The following GLDC variants were observed in gnomAD, a reference collection of about 807,000 sequenced individuals.
The protein encoded by GLDC is glycine decarboxylase.
Under a neutral mutation model 121.3 loss-of-function variants are expected in GLDC, and 104 were observed. The ratio of observed to expected loss-of-function variants is 0.86; its 90% CI spans 0.73 to 1.01. GLDC has a LOEUF of 1.01. Ranked by LOEUF, GLDC falls within the 50% of genes least tolerant of loss-of-function variation. The pLI, the probability that GLDC is intolerant of heterozygous loss-of-function variation, is 0.00. For synonymous variants in GLDC, 546 were observed against 480.6 expected (o/e 1.14, Z -1.78); for missense variants, 1,429 against 1,306.6 (o/e 1.09, Z -1.44).
At chr9:6,634,181 T>G (rs1035314175) in intron 2 of GLDC, among the ~76,000 whole-genome samples, 3 of 151,800 alleles carry the variant, frequency 2.0e-5, no homozygotes, top group Non-Finnish European at 2.9e-5. Context: ...AAGCCAGGAT[T>G]GCACCACTGT....
At chr9:6,633,205 G>A (rs142468859) in intron 2 of GLDC, among the ~76,000 whole-genome samples, 8 of 152,220 alleles carry the variant, frequency 5.3e-5, no homozygotes, top group African/African-American at 9.6e-5. Context: ...ACAGGGGTCC[G>A]TAACTCCCTG....
intron 12 of GLDC, 25 bp from the exon 13 acceptor site, chr9:6,588,727 G>T: frequency 6.5e-7 from 1 of 1,537,706 alleles, no homozygotes; most frequent in Non-Finnish European, 9.0e-7. Context: ...CACAGAATTA[G>T]GGGCCCCAAA....
At chr9:6,627,020 G>T (rs549246854) in intron 2 of GLDC, among the ~76,000 whole-genome samples, 9 of 152,252 alleles carry the variant, frequency 5.9e-5, no homozygotes, top group African/African-American at 1.9e-4. Context: ...AGTGGGCCGG[G>T]CGTGGTGGCT....
At chr9:6,623,417 G>C (rs949587357) in intron 2 of GLDC, among the ~76,000 whole-genome samples, 1 of 148,082 alleles carries the variant, frequency 6.8e-6, no homozygotes, top group Non-Finnish European at 1.5e-5. Context: ...CTTGAAGGCA[G>C]CATGCTCGTT....
At chr9:6,638,763 C>T (rs983149685) in intron 2 of GLDC, among the ~76,000 whole-genome samples, 21 of 152,120 alleles carry the variant, frequency 1.4e-4, no homozygotes, top group African/African-American at 4.8e-4. Context: ...ATAATCCCAG[C>T]ACTTTGGGAG....
chr9:6,642,196 G>T (rs1819643584), intron 2 of GLDC, among the ~76,000 whole-genome samples: 1 of 152,172 alleles, frequency 6.6e-6, no homozygotes, highest in South Asian at 2.1e-4. Context: ...TCCCAAACTA[G>T]ATGGAACAAG....
intron 16 of GLDC, among the ~76,000 whole-genome samples, chr9:6,561,645 T>C (rs192074342): frequency 1.8e-5 from 2 of 114,196 alleles, no homozygotes; most frequent in East Asian, 2.0e-4. Flanking sequence ...TGAGAGTCTC[T>C]CTTGGGGGAA....
chr9:6,537,511 G>A (rs905004930), intron 22 of GLDC, among the ~76,000 whole-genome samples: 2 of 152,260 alleles, frequency 1.3e-5, no homozygotes, highest in Non-Finnish European at 2.9e-5. Flanking sequence ...AAGTGCTGTG[G>A]CTCACACACC....
chr9:6,578,542 T>C lies in GLDC; in HGVS notation c.1850+8599A>G, dbSNP rs1368197163. Among the ~76,000 whole-genome samples, 3 of 152,044 alleles carry C rather than the reference T, an allele frequency of 2.0e-5. No homozygotes were observed. The East Asian group carries it at 5.8e-4, about 30-fold the overall frequency. On this transcript the variant is annotated intron_variant, in intron 15 of 24. Transcript: ENST00000321612. Reference sequence around the variant, plus strand: ...AATTAGTTGGAAAGTACTTCCTCTCTTTTTTTCTTCTCTTAGAAACAGAGT... The same window carrying C: ...AATTAGTTGGAAAGTACTTCCTCTCCTTTTTTCTTCTCTTAGAAACAGAGT...
chr9:6,565,016 G>A (rs984735256), intron 16 of GLDC, among the ~76,000 whole-genome samples: 11 of 152,194 alleles, frequency 7.2e-5, no homozygotes, highest in African/African-American at 2.4e-4. Context: ...CAGGCCCAGG[G>A]CCGGGGCTGA....
chr9:6,577,110 T>A (rs1818079665), intron 15 of GLDC, among the ~76,000 whole-genome samples: 1 of 152,164 alleles, frequency 6.6e-6, no homozygotes, highest in African/African-American at 2.4e-5. Flanking sequence ...AGAAATGCCC[T>A]GGATGAGAAG....
At chr9:6,603,301 T>C in intron 7 of GLDC, among the ~76,000 whole-genome samples, 1 of 151,206 alleles carries the variant, frequency 6.6e-6, no homozygotes, top group Non-Finnish European at 1.5e-5. Flanking sequence ...TGCATAACAT[T>C]AGGTGTTAAT....
At chr9:6,601,799 T>A (rs1474064643) in intron 8 of GLDC, among the ~76,000 whole-genome samples, 1 of 152,114 alleles carries the variant, frequency 6.6e-6, no homozygotes, top group Admixed American at 6.6e-5. Context: ...TAATTTATTT[T>A]ATTTTATTTT....
rs372604935 is a variant in GLDC, at chr9:6,558,583, G to C, written c.2028C>G (p.Ile676Met). 1.2e-6 allele frequency: 2 copies of C among 1,614,136 alleles called. No homozygotes were observed. The highest frequency in any genetic ancestry group is 2.2e-5 in the South Asian group (2 of 91,080). ...QPVEVDKYGN[I>M]DAVHLKAMVD... The stretch of plus-strand genomic sequence containing the variant: ...CCATGGCCTTGAGGTGAACTGCATC[G>C]ATATTCCCATATTTATCCACCTCCA... The change falls in exon 17 of 25, where the codon ATC becomes ATG. Residue 676 changes from isoleucine (I) to methionine (M), a missense_variant. Physicochemically the swap from Ile to Met is conservative, Grantham distance 10 (BLOSUM62 1). Transcript: ENST00000321612.
intron 15 of GLDC, among the ~76,000 whole-genome samples, chr9:6,585,986 T>A (rs1191062108): frequency 1.3e-5 from 2 of 152,046 alleles, no homozygotes; most frequent in African/African-American, 4.8e-5. Context: ...TAGAATCACT[T>A]GGTCTTGTCT....
intron 16 of GLDC, among the ~76,000 whole-genome samples, chr9:6,561,521 C>A (rs751270101): frequency 6.2e-4 from 94 of 152,020 alleles, no homozygotes; most frequent in Non-Finnish European, 1.1e-3. Context: ...TGGTGGTGCA[C>A]GCCTACAGTC....
At chr9:6,640,744 A>C (rs913650429) in intron 2 of GLDC, among the ~76,000 whole-genome samples, 1 of 152,216 alleles carries the variant, frequency 6.6e-6, no homozygotes, top group Non-Finnish European at 1.5e-5. Flanking sequence ...CTTGAGATGA[A>C]TTCACTGAAA....
chr9:6,583,222 AAAAT>A (rs1220328015), intron 15 of GLDC, among the ~76,000 whole-genome samples: 2 of 152,166 alleles, frequency 1.3e-5, no homozygotes, highest in Admixed American at 1.3e-4. Flanking sequence ...AATATATACC[AAAAT>A]AAAAACTGAA....
intron 21 of GLDC, among the ~76,000 whole-genome samples, chr9:6,549,189 C>T (rs1817457482): frequency 6.6e-6 from 1 of 152,220 alleles, no homozygotes; most frequent in Non-Finnish European, 1.5e-5. Flanking sequence ...ATTAAATCAG[C>T]CACCCGCTCT....
Sources: gnomAD v4.1 joint callset for allele counts (sites outside exome capture counted in the v4.1 genomes callset) on GRCh38, gnomAD v4.1.1 for gene constraint, MANE v1.5 for transcripts, NCBI Gene and HGNC (gene_info 2026-07-23, HGNC 2026-07-21) for gene names.